GASK1A: variants seen among roughly 807,000 people sequenced by gnomAD.
GASK1A encodes the protein Golgi-associated kinase 1A.
Under a neutral mutation model 41.2 loss-of-function variants are expected in GASK1A, and 40 were observed. The ratio of observed to expected loss-of-function variants is 0.97; its 90% CI spans 0.75 to 1.27. The LOEUF is 1.27. Among genes scored for constraint, GASK1A ranks in the 50% most tolerant of loss-of-function variants. GASK1A has a pLI of 0.00. For synonymous variants in GASK1A, 316 were observed against 307.1 expected, an observed-to-expected ratio of 1.03 and a Z score of -0.30; for missense variants, 678 against 745.1, an observed-to-expected ratio of 0.91 and a Z score of 1.05.
chr3:43,034,723 C>T (rs989568885), intron 2 of GASK1A, among the ~76,000 whole-genome samples: 1 of 152,146 alleles, frequency 6.6e-6, no homozygotes, highest in African/African-American at 2.4e-5. Flanking sequence ...ATATGTAATA[C>T]TTCAGAGATT....
At chr3:43,047,522 C>A (rs1338040156) in intron 2 of GASK1A, among the ~76,000 whole-genome samples, 1 of 152,186 alleles carries the variant, frequency 6.6e-6, no homozygotes, top group Non-Finnish European at 1.5e-5. Flanking sequence ...GTTCAAGGAT[C>A]AGTGCATTAA....
intron 2 of GASK1A, among the ~76,000 whole-genome samples, chr3:43,038,480 G>A (rs191837978): frequency 1.6e-4 from 25 of 151,912 alleles, no homozygotes; most frequent in East Asian, 1.5e-3. Flanking sequence ...TTATCTAGCC[G>A]TTTCGAATAT....
At chr3:43,054,151 A>G in intron 3 of GASK1A, 1 of 222,820 alleles carries the variant, frequency 4.5e-6, no homozygotes. Context: ...AGAGGGCAGA[A>G]TAGCCACTTC....
At chr3:43,052,752 C>G (rs1185872439) in intron 2 of GASK1A, among the ~76,000 whole-genome samples, 1 of 152,200 alleles carries the variant, frequency 6.6e-6, no homozygotes, top group Non-Finnish European at 1.5e-5. Context: ...GCTTGTATGC[C>G]TCTCCATCCT....
chr3:43,034,126 A>T (rs1197937304), intron 2 of GASK1A, among the ~76,000 whole-genome samples: 4 of 152,210 alleles, frequency 2.6e-5, no homozygotes, highest in Non-Finnish European at 5.9e-5. Flanking sequence ...CACTGTTTAT[A>T]ACTTTACGTC....
At chr3:43,007,012 A>AGCAG (rs2089440203) in intron 1 of GASK1A, among the ~76,000 whole-genome samples, 1 of 151,958 alleles carries the variant, frequency 6.6e-6, no homozygotes, top group Non-Finnish European at 1.5e-5. Flanking sequence ...GTCATAGGAG[A>AGCAG]GCAGGTGAGA....
intron 2 of GASK1A, among the ~76,000 whole-genome samples, chr3:43,041,962 A>G (rs1396353556): frequency 6.6e-6 from 1 of 152,146 alleles, no homozygotes; most frequent in Non-Finnish European, 1.5e-5. Context: ...GTGGGGAAGC[A>G]TCTCTGTGCT....
At chr3:43,046,849 C>T (rs919872173) in intron 2 of GASK1A, among the ~76,000 whole-genome samples, 1 of 152,258 alleles carries the variant, frequency 6.6e-6, no homozygotes, top group African/African-American at 2.4e-5. Context: ...GGCCAAAGTA[C>T]AGCTCAAGCC....
intron 1 of GASK1A, among the ~76,000 whole-genome samples, chr3:43,000,440 C>T (rs1396602822): frequency 1.3e-5 from 2 of 152,206 alleles, no homozygotes; most frequent in Non-Finnish European, 2.9e-5. Context: ...GGCCCCTGGG[C>T]CAAATCAGCA....
intron 1 of GASK1A, among the ~76,000 whole-genome samples, chr3:42,990,653 T>C (rs545140664): frequency 6.6e-6 from 1 of 152,290 alleles, no homozygotes; most frequent in Admixed American, 6.5e-5. Context: ...TTAATGACAG[T>C]CATTGACTGC....
chr3:43,034,434 T>A (rs1276485610), intron 2 of GASK1A, among the ~76,000 whole-genome samples: 1 of 152,204 alleles, frequency 6.6e-6, no homozygotes, highest in Non-Finnish European at 1.5e-5. Flanking sequence ...TAACAACCAG[T>A]GTGGCTGTTC....
chr3:42,996,933 T>C (rs2089377919), intron 1 of GASK1A, among the ~76,000 whole-genome samples: 1 of 152,208 alleles, frequency 6.6e-6, no homozygotes, highest in Non-Finnish European at 1.5e-5. Flanking sequence ...CCATTTGTCT[T>C]TCTGATGACA....
intron 1 of GASK1A, among the ~76,000 whole-genome samples, chr3:42,988,278 A>T (rs1368524211): frequency 6.6e-6 from 1 of 152,148 alleles, no homozygotes; most frequent in African/African-American, 2.4e-5. Flanking sequence ...GCTGTATCAC[A>T]TGCTGTTTAC....
intron 1 of GASK1A, among the ~76,000 whole-genome samples, chr3:43,031,489 C>T (rs1484893594): frequency 1.3e-5 from 2 of 152,144 alleles, no homozygotes; most frequent in African/African-American, 4.8e-5. Flanking sequence ...TACTGCTGGT[C>T]CCACGTGAAC....
intron 1 of GASK1A, among the ~76,000 whole-genome samples, chr3:43,031,493 C>T (rs531888): frequency 0.6 from 91,911 of 152,080 alleles, 28,015 homozygotes; most frequent in East Asian, 0.77. Flanking sequence ...GCTGGTCCCA[C>T]GTGAACTTCA....
chr3:43,035,469 G>A (rs533950230), intron 2 of GASK1A, among the ~76,000 whole-genome samples: 3 of 152,302 alleles, frequency 2.0e-5, no homozygotes, highest in South Asian at 4.1e-4. Flanking sequence ...GAGAGTAGGT[G>A]TATAGATGCC....
intron 2 of GASK1A, among the ~76,000 whole-genome samples, chr3:43,034,020 T>C (rs184039165): frequency 6.6e-4 from 100 of 152,314 alleles, no homozygotes; most frequent in Non-Finnish European, 1.5e-4. Context: ...CGTCAGGGTG[T>C]GAATATCTGT....
At chr3:42,979,769 T>G (rs538817199) in intron 1 of GASK1A, 124 bp downstream of exon 1, 2 of 1,020,530 alleles carry the variant, frequency 2.0e-6, no homozygotes, top group Non-Finnish European at 2.5e-6. Context: ...GCCGGAGTTG[T>G]TCCCCGAAAG....
intron 1 of GASK1A, among the ~76,000 whole-genome samples, chr3:43,021,870 T>A (rs1366544825): frequency 1.3e-5 from 2 of 152,204 alleles, no homozygotes; most frequent in Non-Finnish European, 2.9e-5. Context: ...GTTAAGCCCA[T>A]GGGCATCTTC....
Sources: gnomAD v4.1 joint callset for allele counts (sites outside exome capture counted in the v4.1 genomes callset) on GRCh38, gnomAD v4.1.1 for gene constraint, MANE v1.5 for transcripts, NCBI Gene and HGNC (gene_info 2026-07-23, HGNC 2026-07-21) for gene names.